The following IFT22 variants were observed in gnomAD, a reference collection of about 807,000 sequenced individuals.
IFT22 encodes the protein intraflagellar transport protein 22 homolog.
In IFT22, 13 loss-of-function variants were observed where a neutral mutation model predicts 21.0. That is an observed-to-expected ratio of 0.62 (90% CI 0.40 to 0.98). The LOEUF is 0.98. Ranked by LOEUF, IFT22 falls within the 50% of genes least tolerant of loss-of-function variation. The pLI, the probability that IFT22 is intolerant of heterozygous loss-of-function variation, is 0.00. For missense variants in IFT22, 227 were observed against 228.9 expected (o/e 0.99, Z 0.06); for synonymous variants, 67 against 82.4 (o/e 0.81, Z 1.01).
At chr7:101,319,089 A>G in intron 1 of IFT22, 57 bp from the exon 2 acceptor site, 1 of 1,577,866 alleles carries the variant, frequency 6.3e-7, no homozygotes, top group Non-Finnish European at 8.7e-7. Flanking sequence ...GGAAACCAAA[A>G]AAATGACCCC....
intron 3 of IFT22, among the ~76,000 whole-genome samples, chr7:101,317,213 C>T (rs889244324): frequency 2.0e-5 from 3 of 152,054 alleles, no homozygotes; most frequent in African/African-American, 7.2e-5. Context: ...GGCTTGAGTG[C>T]CGTAGCACGA....
At position 101,312,991 on chromosome 7, in the gene IFT22, G is replaced by T. The variant is rs1175559613; in HGVS notation, c.*2143C>A. The stretch of plus-strand genomic sequence containing the variant: ...TGGGATTACAGGCACGTGCTACCAC[G>T]CCCAGCTAATTTTTGTATTTTTAGT... On this transcript the variant is annotated 3_prime_UTR_variant, in exon 5 of 5. Coordinates refer to ENST00000315322, the MANE Select transcript of IFT22 (RefSeq NM_022777.4). Among the ~76,000 whole-genome samples the T allele has an allele frequency of 6.6e-6, 1 of 151,452 alleles. No individual in the cohort carries two copies. The highest frequency in any genetic ancestry group is 2.4e-5 in the African/African-American group (1 of 41,156).
intron 2 of IFT22, chr7:101,318,749 G>T: frequency 1.9e-6 from 1 of 514,106 alleles, no homozygotes; most frequent in Admixed American, 3.2e-5. Flanking sequence ...CAATCCTTCT[G>T]CTTCAACCTA....
At chr7:101,316,241 A>C (rs1790145205) in intron 4 of IFT22, 99 bp downstream of exon 4, 1 of 1,114,234 alleles carries the variant, frequency 9.0e-7, no homozygotes, top group African/African-American at 1.5e-5. Flanking sequence ...GTAGGTGCTC[A>C]GTAACTGGAC....
In IFT22 at chr7:101,316,434, G is replaced by A. The variant is rs375942767; in HGVS notation, c.315C>T (p.Cys105=). Residue 105 remains cysteine (C), a synonymous_variant, in exon 4 of 5, where the codon TGC becomes TGT. Transcript: ENST00000315322. ...CCTGTAAGGACGGCTGTTGGACAAA[G>A]CAGGAATACCACATCTCCATTTCCT... The part of the protein sequence containing the change: ...HRKEMEMWYS[C]FVQQPSLQDT... 5.0e-6 allele frequency: 8 copies of A among 1,614,046 alleles called. No homozygotes were observed. The highest frequency in any genetic ancestry group is 1.7e-5 in the Admixed American group (1 of 59,988).
chr7:101,320,180 C>G lies in IFT22; in HGVS notation c.40-1148G>C, dbSNP rs564763981. 8.6e-5 allele frequency among the ~76,000 whole-genome samples: 13 copies of G among 151,904 alleles called. No individual in the cohort carries two copies. In the East Asian group the frequency reaches 2.5e-3, roughly 29 times the overall value. On this transcript the variant is annotated intron_variant, in intron 1 of 4. Coordinates refer to ENST00000315322, the MANE Select transcript of IFT22 (RefSeq NM_022777.4). ...CCATGTTACTCAGGCTGGACTCGAA[C>G]TCCTGACCTCAGGTGATCCACCTGC...
intron 2 of IFT22, chr7:101,318,592 A>G (rs73180992): frequency 0.059 from 15,997 of 272,768 alleles, 537 homozygotes; most frequent in African/African-American, 0.091. Context: ...AACAGCAACA[A>G]AAGTAGGAAG....
intron 1 of IFT22, among the ~76,000 whole-genome samples, chr7:101,320,108 C>T (rs1790288780): frequency 1.3e-5 from 2 of 151,926 alleles, no homozygotes; most frequent in Admixed American, 6.6e-5. Flanking sequence ...AGGCATGCAC[C>T]ACCAAGCCCA....
rs1055843367 is a variant in IFT22, at chr7:101,312,823, C to T, written c.*2311G>A. On this transcript the variant is annotated 3_prime_UTR_variant, in exon 5 of 5. Transcript: ENST00000315322. ...GTGCTGGGATTACAGGTGTGAGCCA[C>T]TCCACTCGGCACTTTTTTCTTTTTT... Among the ~76,000 whole-genome samples, 1 of 151,548 alleles carries T rather than the reference C, an allele frequency of 6.6e-6. No individual in the cohort carries two copies. The highest frequency in any genetic ancestry group is 1.5e-5 in the Non-Finnish European group (1 of 67,900).
rs1790033482 is a variant in IFT22, at chr7:101,313,435, A to C, written c.*1699T>G. On this transcript the variant is annotated 3_prime_UTR_variant, in exon 5 of 5. Coordinates refer to ENST00000315322, the MANE Select transcript of IFT22 (RefSeq NM_022777.4). ...ACTGCAGTCTCCGCCTCGCGGGTTC[A>C]GGCAATTCTGCCTCACCCTTCTGAG... is the stretch of plus-strand genomic sequence containing the variant. The C allele has an allele frequency of 6.8e-6, 1 of 147,146 alleles. No homozygotes were observed. Among genetic ancestry groups the C allele is most frequent in the African/African-American group, 2.5e-5 (1 of 39,856 alleles). 9.1% of individuals were successfully genotyped at this position (147,146 alleles called of 1,614,324 possible).
At chr7:101,318,826 G>A in intron 2 of IFT22, 130 bp downstream of exon 2, 1 of 671,692 alleles carries the variant, frequency 1.5e-6, no homozygotes. Context: ...AGTTGAGACG[G>A]GGTCTCCCTA....
In IFT22 at chr7:101,311,185, G is replaced by C. The variant is rs1253541420; in HGVS notation, c.*3949C>G. ...ATTTTTTGTATTTTTAGTAGAGGTG[G>C]GGTTTCACTGTTAGCCAGGATGGTC... On this transcript the variant is annotated 3_prime_UTR_variant, in exon 5 of 5. Transcript: ENST00000315322. Among the ~76,000 whole-genome samples, 1 of 151,848 alleles carries C rather than the reference G, an allele frequency of 6.6e-6. No individual in the cohort carries two copies. Among genetic ancestry groups the C allele is most frequent in the Non-Finnish European group, 1.5e-5 (1 of 67,970 alleles).
Position 101,313,730 on chromosome 7 carries a change from AT to A in IFT22, c.*1403del, listed in dbSNP as rs972329853. 18 of 152,008 alleles carry A rather than the reference AT, an allele frequency of 1.2e-4. No individual in the cohort carries two copies. Among genetic ancestry groups the A allele is most frequent in the African/African-American group, 4.1e-4 (17 of 41,536 alleles). 9.4% of individuals were successfully genotyped at this position (152,008 alleles called of 1,614,324 possible). A position where few individuals can be genotyped will look rare whatever the true frequency, so the allele number is the denominator to read the frequency against. ...CAAACATATTTTAGTGAGTAGGCAAATTCTCAAATACAAAATCTATGAATAA... is the reference window on the plus strand; with the variant it reads ...CAAACATATTTTAGTGAGTAGGCAAATCTCAAATACAAAATCTATGAATAA... On this transcript the variant is annotated 3_prime_UTR_variant, in exon 5 of 5. Transcript: ENST00000315322.
intron 1 of IFT22, 88 bp from the exon 2 acceptor site, chr7:101,319,120 G>T: frequency 1.6e-6 from 2 of 1,288,506 alleles, no homozygotes; most frequent in Non-Finnish European, 1.1e-6. Context: ...CTGGAACCCG[G>T]TGTGGTGCAG....
chr7:101,317,247 C>T (rs897802420), intron 3 of IFT22, among the ~76,000 whole-genome samples: 1 of 152,150 alleles, frequency 6.6e-6, no homozygotes, highest in Non-Finnish European at 1.5e-5. Flanking sequence ...CAATGTCCAC[C>T]TCCCAGGTTC....
rs761444651 is a variant in IFT22, at chr7:101,311,837, G to A, written c.*3297C>T. The stretch of plus-strand genomic sequence containing the variant: ...CCAGCCTGGCCAAGATGGTGAAACC[G>A]TCTCTACTAAAAATACAAAAATTAG... On this transcript the variant is annotated 3_prime_UTR_variant, in exon 5 of 5. Transcript: ENST00000315322. Among the ~76,000 whole-genome samples the A allele has an allele frequency of 4.6e-5, 7 of 151,440 alleles. No homozygotes were observed. Among genetic ancestry groups the A allele is most frequent in the Admixed American group, 3.3e-4 (5 of 15,170 alleles).
intron 1 of IFT22, among the ~76,000 whole-genome samples, chr7:101,321,194 A>T (rs1790336555): frequency 6.6e-6 from 1 of 151,712 alleles, no homozygotes. Context: ...GTGGTGGTGC[A>T]CGCCTGTAGT....
At position 101,316,401 on chromosome 7, in the gene IFT22, C is replaced by T. The variant is rs746230378; in HGVS notation, c.348G>A (p.Gln116=). Residue 116 remains glutamine (Q), a synonymous_variant, in exon 4 of 5, where the codon CAG becomes CAA. Coordinates refer to ENST00000315322, the MANE Select transcript of IFT22 (RefSeq NM_022777.4). The stretch of plus-strand genomic sequence containing the variant: ...GTTTGTGGTGTGCAATTAGCATACA[C>T]TGTGTGTCCTGTAAGGACGGCTGTT... ...FVQQPSLQDT[Q]CMLIAHHKPG... is the part of the protein sequence containing the mutation. 1.2e-6 allele frequency: 2 copies of T among 1,614,156 alleles called. No homozygotes were observed. The highest frequency in any genetic ancestry group is 1.7e-6 in the Non-Finnish European group (2 of 1,180,042).
chr7:101,316,274 T>C (rs1011112457), intron 4 of IFT22, 66 bp downstream of exon 4: 2 of 1,483,548 alleles, frequency 1.3e-6, no homozygotes, highest in Middle Eastern at 1.7e-4. Flanking sequence ...TTCTAGGACA[T>C]GGGACAATAT....
Sources: gnomAD v4.1 joint callset for allele counts (sites outside exome capture counted in the v4.1 genomes callset) on GRCh38, gnomAD v4.1.1 for gene constraint, MANE v1.5 for transcripts, NCBI Gene and HGNC (gene_info 2026-07-23, HGNC 2026-07-21) for gene names.